The following NRP2 variants were observed in gnomAD, a reference collection of about 807,000 sequenced individuals.
The protein encoded by NRP2 is neuropilin 2, also known as neuropilin-2.
In NRP2, 52 loss-of-function variants were observed where a neutral mutation model predicts 110.4. The observed-to-expected ratio is 0.47, with a 90% CI of 0.38 to 0.59. The LOEUF (loss-of-function observed/expected upper bound fraction) is 0.59, where lower values mean the gene tolerates loss of function less well. NRP2 is among the 20% of genes least tolerant of loss of function. The pLI, the probability that NRP2 is intolerant of heterozygous loss-of-function variation, is 0.00. For missense variants in NRP2, 1,049 were observed against 1,203.0 expected (o/e 0.87, Z 1.89); for synonymous variants, 508 against 468.9 (o/e 1.08, Z -1.08).
chr2:205,763,578 C>T lies in NRP2; in HGVS notation c.2045-96C>T. 6.5e-7 allele frequency: 1 copy of T among 1,536,592 alleles called. No homozygotes were observed. Among genetic ancestry groups the T allele is most frequent in the Non-Finnish European group, 9.0e-7 (1 of 1,111,498 alleles). ...CATGAATAAACCAAAGACACCGAAA[C>T]TCAGTCCCAACTTTCCCTTGGAGAG... On this transcript the variant is annotated intron_variant, in intron 12 of 16. Coordinates refer to ENST00000357785, the MANE Select transcript of NRP2 (RefSeq NM_003872.3). The surrounding 1 kb of genome is among the most constrained non-coding windows in gnomAD (Gnocchi z 4.0).
intron 12 of NRP2, among the ~76,000 whole-genome samples, chr2:205,753,349 TG>T (rs2057683181): frequency 6.6e-6 from 1 of 152,224 alleles, no homozygotes; most frequent in Non-Finnish European, 1.5e-5. Context: ...AACTTCGAGC[TG>T]GGTACTGTTC....
At chr2:205,755,646 T>C (rs1244850430) in intron 12 of NRP2, among the ~76,000 whole-genome samples, 1 of 149,396 alleles carries the variant, frequency 6.7e-6, no homozygotes, top group Non-Finnish European at 1.5e-5. Flanking sequence ...CTGAGGGGAT[T>C]GGGGAGAAGG....
intron 1 of NRP2, among the ~76,000 whole-genome samples, chr2:205,685,316 A>G (rs1316216254): frequency 1.3e-5 from 2 of 152,124 alleles, no homozygotes; most frequent in Non-Finnish European, 2.9e-5. Context: ...CAGCTCCCCA[A>G]AATGCGATCT....
intron 16 of NRP2, among the ~76,000 whole-genome samples, chr2:205,793,891 G>C (rs2058327594): frequency 1.3e-5 from 2 of 152,096 alleles, no homozygotes; most frequent in African/African-American, 4.8e-5. Context: ...AAGGAGGTCT[G>C]ATGGCTGGGA....
Position 205,716,895 on chromosome 2 carries a change from T to G in NRP2, c.433+521T>G, listed in dbSNP as rs141661168. Among the ~76,000 whole-genome samples, 12 of 152,278 alleles carry G rather than the reference T, an allele frequency of 7.9e-5. No homozygotes were observed. The East Asian group carries it at 2.3e-3, about 29-fold the overall frequency. On this transcript the variant is annotated intron_variant, in intron 3 of 16. Coordinates refer to ENST00000357785, the MANE Select transcript of NRP2 (RefSeq NM_003872.3). ...TAGAAATTCCCCTTGGCAGTCCATG[T>G]TACCACCTCTGTCCATTGAACCCCT...
chr2:205,741,741 C>T (rs927535478), intron 8 of NRP2, among the ~76,000 whole-genome samples: 5 of 152,154 alleles, frequency 3.3e-5, no homozygotes, highest in East Asian at 1.9e-4. Flanking sequence ...AAGGTCTGAC[C>T]CTGTTTGAGG....
At chr2:205,766,729 AC>A in intron 14 of NRP2, 53 bp from the exon 15 acceptor site, 2 of 1,494,970 alleles carry the variant, frequency 1.3e-6, no homozygotes, top group Non-Finnish European at 1.9e-6. Flanking sequence ...CTCTATGTTC[AC>A]CCAATTGTTT....
At position 205,704,604 on chromosome 2, in the gene NRP2, T is replaced by C. The variant is rs368871864; in HGVS notation, c.251+6883T>C. Among the ~76,000 whole-genome samples, 95 of 152,258 alleles carry C rather than the reference T, an allele frequency of 6.2e-4. 2 individuals are homozygous for C. In the South Asian group the frequency reaches 0.019, roughly 30 times the overall value. ...CCACCCAGCAACTCCACCTCACCCA[T>C]GGATCAGGGGGAAAAACAACTCACA... On this transcript the variant is annotated intron_variant, in intron 2 of 16. Coordinates refer to ENST00000357785, the MANE Select transcript of NRP2 (RefSeq NM_003872.3).
chr2:205,722,844 C>T, intron 4 of NRP2, 136 bp downstream of exon 4: 2 of 708,186 alleles, frequency 2.8e-6, no homozygotes, highest in East Asian at 2.7e-5. Flanking sequence ...TTCTCTTCTT[C>T]CCCTTCACTA....
At chr2:205,688,353 A>G (rs1310252458) in intron 1 of NRP2, among the ~76,000 whole-genome samples, 1 of 152,240 alleles carries the variant, frequency 6.6e-6, no homozygotes, top group Non-Finnish European at 1.5e-5. Context: ...CCTTCCAGGT[A>G]AGGACTTGGC....
chr2:205,766,921 A>G, intron 15 of NRP2, 118 bp downstream of exon 15: 1 of 898,146 alleles, frequency 1.1e-6, no homozygotes, highest in Non-Finnish European at 1.8e-6. Flanking sequence ...GCAAGAGAAA[A>G]GAGACGCCAC....
chr2:205,745,522 A>G (rs2057522577), intron 9 of NRP2, among the ~76,000 whole-genome samples: 1 of 152,088 alleles, frequency 6.6e-6, no homozygotes, highest in Non-Finnish European at 1.5e-5. Context: ...TTTACTTCCT[A>G]TTTTCCATAA....
At chr2:205,720,092 C>T (rs1361742912) in intron 3 of NRP2, among the ~76,000 whole-genome samples, 2 of 152,144 alleles carry the variant, frequency 1.3e-5, no homozygotes, top group Admixed American at 1.3e-4. Flanking sequence ...TTTTGTGATG[C>T]TGCAAACAGT....
intron 2 of NRP2, among the ~76,000 whole-genome samples, chr2:205,713,517 T>C (rs1475359613): frequency 6.6e-6 from 1 of 152,246 alleles, no homozygotes; most frequent in African/African-American, 2.4e-5. Flanking sequence ...CTACCACCCA[T>C]GTCTGTCGCC....
At chr2:205,727,766 T>C (rs1161812002) in intron 6 of NRP2, 125 bp from the exon 7 acceptor site, 1 of 890,984 alleles carries the variant, frequency 1.1e-6, no homozygotes, top group African/African-American at 1.7e-5. Flanking sequence ...TAATTACAAG[T>C]ATGTCTCAGT....
chr2:205,724,582 T>A (rs1424503388), intron 5 of NRP2, among the ~76,000 whole-genome samples: 1 of 150,652 alleles, frequency 6.6e-6, no homozygotes, highest in African/African-American at 2.4e-5. Flanking sequence ...CTGAGCAACA[T>A]CTTCAAATCA....
intron 7 of NRP2, chr2:205,740,118 G>A: frequency 3.4e-6 from 1 of 294,784 alleles, no homozygotes; most frequent in Non-Finnish European, 6.6e-6. Context: ...CCTGCAACAT[G>A]AGGAAGAGGG....
chr2:205,683,555 AGTGT>A (rs60199072), intron 1 of NRP2, among the ~76,000 whole-genome samples, 192 bp downstream of exon 1: 8,532 of 150,008 alleles, frequency 0.057, 748 homozygotes, highest in African/African-American at 0.18. Context: ...TCCTGCTAGG[AGTGT>A]GTGTGTGTGT....
At chr2:205,689,877 A>G (rs2056268473) in intron 1 of NRP2, among the ~76,000 whole-genome samples, 2 of 152,228 alleles carry the variant, frequency 1.3e-5, no homozygotes. Flanking sequence ...CAAAAAAGTC[A>G]TCATAAAGAC....
Sources: gnomAD v4.1 joint callset for allele counts (sites outside exome capture counted in the v4.1 genomes callset) on GRCh38, gnomAD v4.1.1 for gene constraint, Gnocchi (gnomAD v3.1) non-coding constraint, MANE v1.5 for transcripts, NCBI Gene and HGNC (gene_info 2026-07-23, HGNC 2026-07-21) for gene names.